Variants in COL26A1 observed in about 807,000 individuals in gnomAD.
The protein encoded by COL26A1 is collagen type XXVI alpha 1 chain, also known as collagen alpha-1(XXVI) chain.
Under a neutral mutation model 59.3 loss-of-function variants are expected in COL26A1, and 41 were observed. That is an observed-to-expected ratio of 0.69 (90% confidence interval 0.54 to 0.90). The LOEUF is 0.90. COL26A1 is among the 40% of genes least tolerant of loss of function. COL26A1 has a pLI of 0.00. For synonymous variants in COL26A1, 266 were observed against 256.0 expected (o/e 1.04, Z -0.37); for missense variants, 612 against 602.3 (o/e 1.02, Z -0.17).
rs377360916 is a variant in COL26A1 at position 101,537,934 on chromosome 7, G to C, written c.448-1959G>C. On this transcript the variant is annotated intron_variant, in intron 4 of 12. Transcript: ENST00000313669. ...CCTTGGGATACTGCAACCCACCCCC[G>C]CCAACTTATCACCTTCACTCCCAAG... 9.7e-3 allele frequency among the ~76,000 whole-genome samples: 1,408 copies of C among 144,774 alleles called. 24 individuals are homozygous for C. Among genetic ancestry groups the C allele is most frequent in the African/African-American group, 0.034 (1,351 of 40,034 alleles). The allele number at this position is 144,774 out of a possible 152,430, so 95.0% of individuals were successfully genotyped here.
In COL26A1 at chr7:101,389,366, A is replaced by G. The variant is rs564617893; in HGVS notation, c.158+26176A>G. ...TGGATATTAACCCTTTATCAGATGT[A>G]TGATTTGCACATTTTTTTTTTTTTT... is the stretch of plus-strand genomic sequence containing the variant. On this transcript the variant is annotated intron_variant, in intron 1 of 12. Transcript: ENST00000313669. Among the ~76,000 whole-genome samples the G allele has an allele frequency of 9.1e-5, 13 of 142,934 alleles. No homozygotes were observed. The East Asian group carries it at 1.4e-3, about 16-fold the overall frequency. 93.8% of individuals were successfully genotyped at this position (142,934 alleles called of 152,430 possible). A position where few individuals can be genotyped will look rare whatever the true frequency, so the allele number is the denominator to read the frequency against.
At chr7:101,404,946 G>A (rs559067297) in intron 1 of COL26A1, among the ~76,000 whole-genome samples, 2 of 152,164 alleles carry the variant, frequency 1.3e-5, no homozygotes, top group Admixed American at 6.5e-5. Flanking sequence ...TTTATGGGCC[G>A]GGCATGGTGG....
chr7:101,379,445 C>T (rs1428669420), intron 1 of COL26A1, among the ~76,000 whole-genome samples: 1 of 152,170 alleles, frequency 6.6e-6, no homozygotes, highest in East Asian at 1.9e-4. Context: ...TCTCTTGGTG[C>T]TCTGCTCACC....
At chr7:101,478,267 C>T (rs989128150) in intron 3 of COL26A1, among the ~76,000 whole-genome samples, 4 of 152,186 alleles carry the variant, frequency 2.6e-5, no homozygotes, top group African/African-American at 7.2e-5. Context: ...AGGCATGAGC[C>T]GCCACGCCCA....
chr7:101,532,935 G>A (rs553560684), intron 3 of COL26A1, 147 bp from the exon 4 acceptor site: 1 of 654,522 alleles, frequency 1.5e-6, no homozygotes, highest in Non-Finnish European at 2.7e-6. Context: ...TGAGGGTAAG[G>A]CTTTGAAGGA....
intron 2 of COL26A1, among the ~76,000 whole-genome samples, chr7:101,441,472 C>T (rs12533775): frequency 0.43 from 65,849 of 151,920 alleles, 16,421 homozygotes; most frequent in Middle Eastern, 0.59. Flanking sequence ...CCACCATGCC[C>T]GGCTATTTTT....
In COL26A1 at chr7:101,557,582, G is replaced by T. The variant is rs1796011770; in HGVS notation, c.*52G>T. 2 of 1,523,388 alleles carry T rather than the reference G, an allele frequency of 1.3e-6. No individual in the cohort carries two copies. The highest frequency in any genetic ancestry group is 1.8e-6 in the Non-Finnish European group (2 of 1,129,942). 94.4% of individuals were successfully genotyped at this position (1,523,388 alleles called of 1,614,324 possible). The stretch of plus-strand genomic sequence containing the variant: ...CCTGGCTAGAGACCCAGCCCCAGAG[G>T]CCTGAGCCGCCGCTGTTTCCTAAAG... On this transcript the variant is annotated 3_prime_UTR_variant, in exon 13 of 13. Transcript: ENST00000313669.
chr7:101,406,096 T>A (rs998291448), intron 1 of COL26A1, among the ~76,000 whole-genome samples: 4 of 152,242 alleles, frequency 2.6e-5, no homozygotes, highest in African/African-American at 9.6e-5. Context: ...ACCTCCGTGC[T>A]GCGCCCTGGA....
At chr7:101,525,243 G>A (rs56025144) in intron 3 of COL26A1, among the ~76,000 whole-genome samples, 6 of 141,852 alleles carry the variant, frequency 4.2e-5, no homozygotes, top group African/African-American at 1.1e-4. Context: ...ATGCAGTGGC[G>A]TGATCTCAGC....
intron 3 of COL26A1, among the ~76,000 whole-genome samples, chr7:101,457,410 T>A (rs544708066): frequency 6.6e-6 from 1 of 152,218 alleles, no homozygotes; most frequent in Admixed American, 6.5e-5. Context: ...CAGGCACCTA[T>A]AATTCTAATC....
intron 4 of COL26A1, among the ~76,000 whole-genome samples, chr7:101,538,616 C>G (rs1183961163): frequency 6.6e-6 from 1 of 152,134 alleles, no homozygotes; most frequent in African/African-American, 2.4e-5. Flanking sequence ...CATCGGAGGA[C>G]TGTGTCCCAT....
In COL26A1 at chr7:101,551,143, C is replaced by G. The variant is rs17135626; in HGVS notation, c.1029C>G (p.Ser343=). Residue 343 remains serine, a splice_region_variant and synonymous_variant, in exon 10 of 13, where the codon TCC becomes TCG. Transcript: ENST00000313669. ...GAGAGCGAGGCACAGTGGGGCCGTC[C>G]GTAAGTGTGGGCTGTGCAGATGGGC... ...LAGERGTVGP[S]GEPGVKGEEG... 6.5e-7 allele frequency: 1 copy of G among 1,543,704 alleles called. No individual in the cohort carries two copies. Among genetic ancestry groups the G allele is most frequent in the Non-Finnish European group, 8.7e-7 (1 of 1,143,996 alleles).
chr7:101,527,783 C>T (rs1033866684), intron 3 of COL26A1, among the ~76,000 whole-genome samples: 2 of 151,676 alleles, frequency 1.3e-5, no homozygotes, highest in African/African-American at 4.9e-5. Flanking sequence ...ACTGTGGCCC[C>T]AGGTGCTCCA....
intron 1 of COL26A1, among the ~76,000 whole-genome samples, chr7:101,370,966 C>G (rs60253688): frequency 0.58 from 87,615 of 151,462 alleles, 26,864 homozygotes; most frequent in African/African-American, 0.8. Context: ...AACTCACTTC[C>G]CCAGTTTCCC....
At chr7:101,449,756 G>T (rs546397537) in intron 3 of COL26A1, among the ~76,000 whole-genome samples, 1 of 152,302 alleles carries the variant, frequency 6.6e-6, no homozygotes, top group East Asian at 1.9e-4. Flanking sequence ...CCTTAGGTTT[G>T]ACACCTTGCT....
Position 101,384,297 on chromosome 7 carries a change from C to T in COL26A1, c.158+21107C>T, listed in dbSNP as rs544428358. 2.4e-4 allele frequency among the ~76,000 whole-genome samples: 34 copies of T among 141,972 alleles called. No individual in the cohort carries two copies. The East Asian group carries it at 7.1e-3, about 30-fold the overall frequency. 93.1% of individuals were successfully genotyped at this position (141,972 alleles called of 152,430 possible). Reference sequence around the variant, plus strand: ...TGTTGCCTAGGCTAGAGTTCAATAGCGTCATCTCGGCTTACTGCAACCTCC... The same window carrying T: ...TGTTGCCTAGGCTAGAGTTCAATAGTGTCATCTCGGCTTACTGCAACCTCC... On this transcript the variant is annotated intron_variant, in intron 1 of 12. Coordinates refer to ENST00000313669, the MANE Select transcript of COL26A1 (RefSeq NM_001278563.3).
intron 1 of COL26A1, among the ~76,000 whole-genome samples, chr7:101,370,631 C>G (rs1791169549): frequency 6.6e-6 from 1 of 152,170 alleles, no homozygotes; most frequent in Non-Finnish European, 1.5e-5. Context: ...CTCATCCTCC[C>G]AAAGTGCTGG....
chr7:101,445,815 C>T (rs1248660242), intron 2 of COL26A1, among the ~76,000 whole-genome samples: 1 of 149,880 alleles, frequency 6.7e-6, no homozygotes, highest in South Asian at 2.1e-4. Flanking sequence ...TTTGGGAGGC[C>T]GAGGTGGGCG....
At position 101,363,324 on chromosome 7, in the gene COL26A1, G is replaced by C. The variant is rs1790948075; in HGVS notation, c.158+134G>C. On this transcript the variant is annotated intron_variant, in intron 1 of 12. Coordinates refer to ENST00000313669, the MANE Select transcript of COL26A1 (RefSeq NM_001278563.3). The stretch of plus-strand genomic sequence containing the variant: ...ATCCGGGACTTGGGGGCGCAGGGCA[G>C]CGGGGACTGGGGGCTGCAGACACCG... 10 of 762,278 alleles carry C rather than the reference G, an allele frequency of 1.3e-5. 2 individuals are homozygous for C. In the South Asian group the frequency reaches 1.9e-4, roughly 14 times the overall value. The allele number at this position is 762,278 out of a possible 1,614,324, so 47.2% of individuals were successfully genotyped here.
Sources: allele counts gnomAD v4.1 joint callset (sites outside exome capture counted in the v4.1 genomes callset), GRCh38; gene constraint gnomAD v4.1.1; transcripts MANE v1.5; gene names NCBI Gene and HGNC (gene_info 2026-07-23, HGNC 2026-07-21).